TAF4: variants seen among roughly 807,000 people sequenced by gnomAD.
The protein encoded by TAF4 is transcription initiation factor TFIID subunit 4.
In TAF4, 9 loss-of-function variants were observed where a neutral mutation model predicts 90.3. That is an observed-to-expected ratio of 0.10 (90% confidence interval 0.06 to 0.17). The LOEUF is 0.17. Ranked by LOEUF, TAF4 falls within the 10% of genes least tolerant of loss-of-function variation. TAF4 has a pLI of 1.00. For synonymous variants in TAF4, 818 were observed against 638.9 expected (o/e 1.28, Z -4.23); for missense variants, 1,351 against 1,370.7 (o/e 0.99, Z 0.23).
At chr20:62,042,461 G>A (rs1273787900) in intron 1 of TAF4, among the ~76,000 whole-genome samples, 5 of 152,196 alleles carry the variant, frequency 3.3e-5, no homozygotes, top group Admixed American at 6.5e-5. Context: ...AAAGGCTGTC[G>A]CCTGACTCTC....
chr20:62,006,614 C>A lies in TAF4; in HGVS notation c.2119G>T (p.Gly707Trp). The A allele has an allele frequency of 6.3e-7, 1 of 1,596,170 alleles. No individual in the cohort carries two copies. Among genetic ancestry groups the A allele is most frequent in the East Asian group, 2.3e-5 (1 of 43,954 alleles). ...VLSSSVQRTA[G>W]KTAATVTSAL... Reference sequence around the variant, plus strand: ...CTGGTCACGGTGGCCGCCGTCTTCCCGGCCGTGCGCTGGACCGAGCTACTC... The same window carrying A: ...CTGGTCACGGTGGCCGCCGTCTTCCAGGCCGTGCGCTGGACCGAGCTACTC... Residue 707 changes from glycine (G) to tryptophan (W), a missense_variant, in exon 7 of 15, where the codon GGG (glycine) becomes TGG (tryptophan). Gly to Trp is a radical substitution (Grantham distance 184, BLOSUM62 -2). Coordinates refer to ENST00000252996, the MANE Select transcript of TAF4 (RefSeq NM_003185.4). This position sits in a 1 kb window ranked among gnomAD's most constrained non-coding sequence, Gnocchi z 7.0.
At chr20:62,062,167 T>C (rs2056092430) in intron 1 of TAF4, among the ~76,000 whole-genome samples, 1 of 152,260 alleles carries the variant, frequency 6.6e-6, no homozygotes, top group African/African-American at 2.4e-5. Flanking sequence ...TGAGAATGAG[T>C]TATTAACCAA....
intron 1 of TAF4, among the ~76,000 whole-genome samples, chr20:62,046,516 G>A (rs1264519741): frequency 6.6e-6 from 1 of 152,206 alleles, no homozygotes; most frequent in African/African-American, 2.4e-5. Flanking sequence ...CTGTATTGCT[G>A]CATGTGTCGT....
At chr20:62,023,202 G>T (rs747496669) in intron 1 of TAF4, among the ~76,000 whole-genome samples, 5 of 152,254 alleles carry the variant, frequency 3.3e-5, no homozygotes, top group Non-Finnish European at 7.3e-5. Flanking sequence ...AGCACTTCAG[G>T]AGGCCAAGGC....
chr20:62,031,161 A>C (rs2055902147), intron 1 of TAF4, among the ~76,000 whole-genome samples: 1 of 152,118 alleles, frequency 6.6e-6, no homozygotes, highest in African/African-American at 2.4e-5. Flanking sequence ...CAGGTTTCTA[A>C]AATCTCTGAA....
At position 62,064,549 on chromosome 20, in the gene TAF4, C is replaced by T; in HGVS notation, c.1262G>A (p.Ser421Asn). The T allele has an allele frequency of 6.6e-7, 1 of 1,523,178 alleles. No individual in the cohort carries two copies. The highest frequency in any genetic ancestry group is 8.8e-7 in the Non-Finnish European group (1 of 1,140,100). 94.4% of individuals were successfully genotyped at this position (1,523,178 alleles called of 1,614,324 possible). A position where few individuals can be genotyped will look rare whatever the true frequency, so the allele number is the denominator to read the frequency against. The change falls in exon 1 of 15, where the codon AGC (serine) becomes AAC (asparagine). Residue 421 changes from serine to asparagine, a missense_variant. Transcript: ENST00000252996. ...SLSRTPTATT[S>N]GIRATLTPTV... ...GGGCGTCAGGGTGGCCCGAATCCCGCTGGTGGTGGCCGTGGGCGTCCGGGA... is the reference window on the plus strand; with the variant it reads ...GGGCGTCAGGGTGGCCCGAATCCCGTTGGTGGTGGCCGTGGGCGTCCGGGA...
chr20:62,024,050 C>A (rs1156955469), intron 1 of TAF4, among the ~76,000 whole-genome samples: 3 of 152,132 alleles, frequency 2.0e-5, no homozygotes, highest in South Asian at 2.1e-4. Context: ...TACACTCCAA[C>A]CTGGGTGACA....
rs201936815 is a variant in TAF4 at position 62,010,005 on chromosome 20, G to A, written c.1761+41C>T. 1.7e-5 allele frequency: 28 copies of A among 1,609,890 alleles called. 1 individual carries two copies. The East Asian group carries it at 4.2e-4, about 24-fold the overall frequency. On this transcript the variant is annotated intron_variant, in intron 4 of 14. Coordinates refer to ENST00000252996, the MANE Select transcript of TAF4 (RefSeq NM_003185.4). The surrounding 1 kb of genome is among the most constrained non-coding windows in gnomAD (Gnocchi z 4.5). ...CTGCATTTTCTGACCTGCGCCACGG[G>A]CCTGACCGTCTTTGAAGGCACGGAA...
chr20:62,000,445 A>C, intron 10 of TAF4, 107 bp downstream of exon 10: 1 of 1,443,736 alleles, frequency 6.9e-7, no homozygotes, highest in South Asian at 1.4e-5. Context: ...GGAAATCACA[A>C]ACTCAGACAA....
intron 1 of TAF4, among the ~76,000 whole-genome samples, chr20:62,057,625 G>A (rs1031930531): frequency 3.4e-5 from 5 of 147,568 alleles, no homozygotes; most frequent in African/African-American, 5.0e-5. Flanking sequence ...CAGGAAGGAC[G>A]GACACAGGCC....
chr20:62,034,827 C>CTTTTCTTTTT, intron 1 of TAF4, among the ~76,000 whole-genome samples: 1 of 141,872 alleles, frequency 7.0e-6, no homozygotes, highest in African/African-American at 2.6e-5. Flanking sequence ...TCATAGATTT[C>CTTTTCTTTTT]TTTTTTTTTT....
chr20:61,993,697 C>T (rs1172212091), intron 14 of TAF4, among the ~76,000 whole-genome samples: 1 of 151,994 alleles, frequency 6.6e-6, no homozygotes, highest in Non-Finnish European at 1.5e-5. Context: ...TGTGGTGGGG[C>T]ACATAAAAGG....
In TAF4 at chr20:62,064,960, G is replaced by A. The variant is rs2056116561; in HGVS notation, c.851C>T (p.Pro284Leu). 2.2e-6 allele frequency: 1 copy of A among 459,810 alleles called. No individual in the cohort carries two copies. Among genetic ancestry groups the A allele is most frequent in the South Asian group, 9.1e-5 (1 of 10,978 alleles). The allele number at this position is 459,810 out of a possible 1,614,324, so 28.5% of individuals were successfully genotyped here. The change falls in exon 1 of 15, where the codon CCC becomes CTC. Residue 284 changes from proline to leucine, a missense_variant. Pro to Leu is a moderately conservative substitution (Grantham distance 98). Around this residue, in one of 9 missense-constraint regions of TAF4, gnomAD observed 782 missense variants for 536.6 expected, o/e 1.46. Transcript: ENST00000252996. Reference sequence around the variant, plus strand: ...GGTCGGGGGTCCGGCGGGGTGGCCGGGCGGCCGGGCCAGAGTGGCGGGCGC... The same window carrying A: ...GGTCGGGGGTCCGGCGGGGTGGCCGAGCGGCCGGGCCAGAGTGGCGGGCGC... ...PPAPATLARPPGHPAGPPTAA... is the reference protein window; with the variant it reads ...PPAPATLARPLGHPAGPPTAA...
At chr20:61,997,049 T>C (rs951025615) in intron 14 of TAF4, among the ~76,000 whole-genome samples, 6 of 152,040 alleles carry the variant, frequency 3.9e-5, no homozygotes, top group Non-Finnish European at 7.4e-5. Flanking sequence ...CAACTGACAG[T>C]TGAAAGCAAA....
intron 14 of TAF4, among the ~76,000 whole-genome samples, chr20:61,987,578 G>A (rs1372648277): frequency 2.0e-5 from 3 of 152,186 alleles, no homozygotes; most frequent in Admixed American, 6.5e-5. Flanking sequence ...AGCACCGAAC[G>A]CTGGCGAGGA....
rs955515165 is a variant in TAF4 at position 62,000,312 on chromosome 20, A to G, written c.2657-58T>C. 5 of 1,584,152 alleles carry G rather than the reference A, an allele frequency of 3.2e-6. No homozygotes were observed. In the African/African-American group the frequency reaches 5.4e-5, roughly 17 times the overall value. On this transcript the variant is annotated intron_variant, in intron 10 of 14. Transcript: ENST00000252996. Reference sequence around the variant, plus strand: ...AATCATTAAGCACAGTTCTTTCTTTACGGCTAATCTCTGATCCAGCAGTTA... The same window carrying G: ...AATCATTAAGCACAGTTCTTTCTTTGCGGCTAATCTCTGATCCAGCAGTTA...
intron 1 of TAF4, among the ~76,000 whole-genome samples, chr20:62,029,825 G>A (rs976827044): frequency 6.6e-6 from 1 of 152,188 alleles, no homozygotes; most frequent in East Asian, 1.9e-4. Context: ...AGAATCGCTT[G>A]AACCCGGGAG....
chr20:61,988,903 T>C (rs1013018427), intron 14 of TAF4, among the ~76,000 whole-genome samples: 4 of 152,088 alleles, frequency 2.6e-5, no homozygotes, highest in Admixed American at 6.6e-5. Flanking sequence ...CCACACACGT[T>C]AACACTCACA....
Position 62,065,796 on chromosome 20 carries a change from C to G in TAF4, c.15G>C (p.Ser5=). The G allele has an allele frequency of 2.3e-6, 3 of 1,307,404 alleles. No individual in the cohort carries two copies. The highest frequency in any genetic ancestry group is 3.0e-6 in the Non-Finnish European group (3 of 1,007,388). 81.0% of individuals were successfully genotyped at this position (1,307,404 alleles called of 1,614,324 possible). Residue 5 remains serine, a synonymous_variant, in exon 1 of 15, where the codon TCG becomes TCC. Coordinates refer to ENST00000252996, the MANE Select transcript of TAF4 (RefSeq NM_003185.4). MAAG[S]DLLDEVFFNS... Reference sequence around the variant, plus strand: ...TGAAGAAGACCTCGTCCAGCAGATCCGAGCCCGCCGCCATCTTTTTTCCTC... The same window carrying G: ...TGAAGAAGACCTCGTCCAGCAGATCGGAGCCCGCCGCCATCTTTTTTCCTC...
Sources: allele counts gnomAD v4.1 joint callset (sites outside exome capture counted in the v4.1 genomes callset), GRCh38; gene constraint gnomAD v4.1.1; regional missense constraint gnomAD v4.1.1; non-coding constraint Gnocchi (gnomAD v3.1); transcripts MANE v1.5; gene names NCBI Gene and HGNC (gene_info 2026-07-23, HGNC 2026-07-21).